Variants in HDAC9 observed in about 807,000 individuals in gnomAD.
HDAC9 encodes histone deacetylase 9.
Under a neutral mutation model 139.4 loss-of-function variants are expected in HDAC9, and 41 were observed. The ratio of observed to expected loss-of-function variants is 0.29; its 90% CI spans 0.23 to 0.38. HDAC9 has a LOEUF of 0.38. Among genes scored for constraint, HDAC9 ranks in the 10% least tolerant of loss-of-function variants. The probability of loss-of-function intolerance (pLI) is 1.00; values close to 1 mark genes in which losing one functional copy is unlikely to be tolerated. For synonymous variants in HDAC9, 517 were observed against 476.2 expected, an observed-to-expected ratio of 1.09 and a Z score of -1.12; for missense variants, 1,147 against 1,297.0, an observed-to-expected ratio of 0.88 and a Z score of 1.78.
chr7:18,571,628 TTA>T (rs1287693107), intron 2 of HDAC9, among the ~76,000 whole-genome samples: 1 of 151,180 alleles, frequency 6.6e-6, no homozygotes, highest in African/African-American at 2.5e-5. Flanking sequence ...TTTTTATTTT[TTA>T]TTTTTTTTTT....
At chr7:18,237,241 G>C (rs1793881627) in intron 2 of HDAC9, among the ~76,000 whole-genome samples, 1 of 152,184 alleles carries the variant, frequency 6.6e-6, no homozygotes, top group South Asian at 2.1e-4. Context: ...TAGGAAGCAT[G>C]ATTAGAAGTT....
At chr7:18,172,991 A>G (rs529197574) in intron 2 of HDAC9, among the ~76,000 whole-genome samples, 1 of 152,234 alleles carries the variant, frequency 6.6e-6, no homozygotes, top group South Asian at 2.1e-4. Context: ...GCTGAGTTCA[A>G]GTCCTGGATA....
chr7:18,391,353 C>G (rs1446786419), intron 1 of HDAC9, among the ~76,000 whole-genome samples: 1 of 151,952 alleles, frequency 6.6e-6, no homozygotes, highest in Non-Finnish European at 1.5e-5. Flanking sequence ...CCACTGCATT[C>G]CAGCCTGAGC....
intron 2 of HDAC9, among the ~76,000 whole-genome samples, chr7:18,513,260 A>C (rs1252814431): frequency 2.0e-5 from 3 of 152,234 alleles, no homozygotes; most frequent in African/African-American, 7.2e-5. Context: ...ACTTTAGTAA[A>C]GTGGTTCTAA....
chr7:18,601,400 G>A (rs1174297214), intron 6 of HDAC9, among the ~76,000 whole-genome samples: 2 of 151,920 alleles, frequency 1.3e-5, no homozygotes, highest in East Asian at 1.9e-4. Flanking sequence ...CTGCATAGAC[G>A]ATGTGATTTG....
chr7:18,768,358 A>G (rs1423494909), intron 16 of HDAC9, among the ~76,000 whole-genome samples: 2 of 152,112 alleles, frequency 1.3e-5, no homozygotes, highest in African/African-American at 2.4e-5. Flanking sequence ...ATCTAGTCTC[A>G]GCTTCCCCCC....
At chr7:18,846,322 C>T (rs1386448010) in intron 21 of HDAC9, among the ~76,000 whole-genome samples, 2 of 152,154 alleles carry the variant, frequency 1.3e-5, no homozygotes, top group Non-Finnish European at 2.9e-5. Context: ...TAGTCCATGA[C>T]TTCCCAAGCT....
At chr7:18,391,216 C>A (rs917584313) in intron 1 of HDAC9, among the ~76,000 whole-genome samples, 2 of 151,706 alleles carry the variant, frequency 1.3e-5, no homozygotes, top group Admixed American at 6.6e-5. Context: ...GAAACCCCGT[C>A]TCTACTAAAA....
At position 18,666,441 on chromosome 7, in the gene HDAC9, A is replaced by G. The variant is rs367573883; in HGVS notation, c.1696A>G (p.Met566Val). Residue 566 changes from methionine (M) to valine (V), a missense_variant, in exon 12 of 26, where the codon ATG (methionine) becomes GTG (valine). Met to Val is a conservative substitution (Grantham distance 21). Transcript: ENST00000686413. Reference protein sequence around the residue: ...DSDEDAQIQEMESGEQAAFMQ... With the variant: ...DSDEDAQIQEVESGEQAAFMQ... The stretch of plus-strand genomic sequence containing the variant: ...TGATGAAGATGCTCAGATCCAGGAA[A>G]TGGAATCTGGGGAGCAGGCTGCTTT... 3.4e-5 allele frequency: 54 copies of G among 1,611,754 alleles called. No homozygotes were observed. The highest frequency in any genetic ancestry group is 4.2e-5 in the Non-Finnish European group (50 of 1,178,836).
intron 1 of HDAC9, among the ~76,000 whole-genome samples, chr7:18,392,290 G>GTCTC (rs370169850): frequency 9.0e-5 from 9 of 99,658 alleles, no homozygotes; most frequent in South Asian, 3.2e-4. Context: ...CTCTCTCTCT[G>GTCTC]TCTCTCTCTC....
At chr7:18,534,557 TAG>T (rs957411475) in intron 2 of HDAC9, among the ~76,000 whole-genome samples, 35 of 152,098 alleles carry the variant, frequency 2.3e-4, no homozygotes, top group African/African-American at 7.2e-4. Context: ...AAAAAAAATT[TAG>T]AGAGAGAGAG....
intron 1 of HDAC9, among the ~76,000 whole-genome samples, chr7:18,374,637 T>G (rs1176086213): frequency 6.6e-6 from 1 of 152,098 alleles, no homozygotes; most frequent in Non-Finnish European, 1.5e-5. Context: ...CATAAAAATC[T>G]TATGGGACCA....
chr7:18,677,658 CTG>C (rs1351160947), intron 12 of HDAC9, among the ~76,000 whole-genome samples: 2 of 151,860 alleles, frequency 1.3e-5, no homozygotes, highest in Non-Finnish European at 2.9e-5. Flanking sequence ...GTTTTTCTAA[CTG>C]TATGCAGCTA....
rs187303762 is a variant in HDAC9, at chr7:18,961,388, G to A, written c.3022+7158G>A. Among the ~76,000 whole-genome samples, 18 of 152,256 alleles carry A rather than the reference G, an allele frequency of 1.2e-4. No homozygotes were observed. In the East Asian group the frequency reaches 3.5e-3, roughly 29 times the overall value. ...CAGGGAGAGGATTAATAATGTCTGG[G>A]TTTTCTGGCTTGGAAAACTGAGATG... is the stretch of plus-strand genomic sequence containing the variant. On this transcript the variant is annotated intron_variant, in intron 24 of 25. Transcript: ENST00000686413.
At chr7:18,542,673 T>A (rs991779289) in intron 2 of HDAC9, among the ~76,000 whole-genome samples, 3 of 152,260 alleles carry the variant, frequency 2.0e-5, no homozygotes, top group African/African-American at 4.8e-5. Context: ...GAAATATTTT[T>A]AAAAATACTT....
At chr7:18,832,744 T>G (rs997448209) in intron 19 of HDAC9, among the ~76,000 whole-genome samples, 13 of 152,114 alleles carry the variant, frequency 8.5e-5, no homozygotes, top group Non-Finnish European at 1.2e-4. Flanking sequence ...TATATATTTT[T>G]TTTTTCTTGA....
intron 22 of HDAC9, among the ~76,000 whole-genome samples, chr7:18,913,242 C>T (rs1364563652): frequency 6.6e-6 from 1 of 152,048 alleles, no homozygotes; most frequent in African/African-American, 2.4e-5. Flanking sequence ...TCTTAATTCG[C>T]CATGTCTAAA....
chr7:18,712,375 T>C (rs1178118), intron 12 of HDAC9, among the ~76,000 whole-genome samples: 33,366 of 152,110 alleles, frequency 0.22, 3,818 homozygotes, highest in East Asian at 0.3. Context: ...TATTGCATGA[T>C]AAACAAACAG....
intron 9 of HDAC9, among the ~76,000 whole-genome samples, chr7:18,646,375 T>G (rs1787423652): frequency 1.3e-5 from 2 of 152,146 alleles, no homozygotes; most frequent in Admixed American, 1.3e-4. Context: ...TTTGGTACCA[T>G]TGGATGAATA....
Sources: gnomAD v4.1 joint callset for allele counts (sites outside exome capture counted in the v4.1 genomes callset) on GRCh38, gnomAD v4.1.1 for gene constraint, MANE v1.5 for transcripts, NCBI Gene and HGNC (gene_info 2026-07-23, HGNC 2026-07-21) for gene names.